Variants in FARP1 observed in about 807,000 individuals in gnomAD.
FARP1 encodes FERM, ARHGEF and pleckstrin domain-containing protein 1.
In FARP1, 52 loss-of-function variants were observed where a neutral mutation model predicts 128.8. The ratio of observed to expected loss-of-function variants is 0.40; its 90% CI spans 0.32 to 0.51. The LOEUF (loss-of-function observed/expected upper bound fraction) is 0.51, where lower values mean the gene tolerates loss of function less well. FARP1 is among the 20% of genes least tolerant of loss of function. FARP1 has a pLI of 0.45. For missense variants in FARP1, 1,333 were observed against 1,367.9 expected (o/e 0.97, Z 0.40); for synonymous variants, 580 against 551.8 (o/e 1.05, Z -0.72).
intron 2 of FARP1, among the ~76,000 whole-genome samples, chr13:98,224,303 G>A (rs564247137): frequency 1.3e-5 from 2 of 152,134 alleles, no homozygotes; most frequent in South Asian, 4.2e-4. Flanking sequence ...CGAGGCAGGT[G>A]GATCACGAGG....
At chr13:98,267,817 G>T (rs1261453739) in intron 2 of FARP1, among the ~76,000 whole-genome samples, 1 of 151,806 alleles carries the variant, frequency 6.6e-6, no homozygotes, top group Non-Finnish European at 1.5e-5. Flanking sequence ...TCTGACTGCT[G>T]TCTACTCACT....
intron 2 of FARP1, among the ~76,000 whole-genome samples, chr13:98,341,249 G>A (rs772495048): frequency 6.6e-6 from 1 of 151,996 alleles, no homozygotes; most frequent in African/African-American, 2.4e-5. Context: ...TGTACTTGGC[G>A]GGCTTTGACT....
chr13:98,389,810 A>C, intron 9 of FARP1, 147 bp from the exon 10 acceptor site: 1 of 682,164 alleles, frequency 1.5e-6, no homozygotes, highest in Middle Eastern at 2.5e-4. Flanking sequence ...ACTAGAGTTT[A>C]GTAAGTCTTT....
At chr13:98,416,290 T>G (rs981945685) in intron 16 of FARP1, among the ~76,000 whole-genome samples, 2 of 152,210 alleles carry the variant, frequency 1.3e-5, no homozygotes, top group African/African-American at 4.8e-5. Context: ...CAGCAAAAGT[T>G]CCCCAGAATT....
At chr13:98,390,193 A>T in intron 10 of FARP1, 73 bp downstream of exon 10, 1 of 1,504,492 alleles carries the variant, frequency 6.6e-7, no homozygotes, top group Non-Finnish European at 9.1e-7. Flanking sequence ...CCGCTGTGAC[A>T]CACAGCAGGT....
intron 2 of FARP1, among the ~76,000 whole-genome samples, chr13:98,217,416 C>T (rs1371758918): frequency 1.3e-5 from 2 of 152,156 alleles, no homozygotes; most frequent in African/African-American, 2.4e-5. Context: ...AGAGCAGGGG[C>T]AGGAGTTAGT....
intron 2 of FARP1, among the ~76,000 whole-genome samples, chr13:98,253,881 T>C (rs909802286): frequency 6.6e-6 from 1 of 152,238 alleles, no homozygotes; most frequent in Non-Finnish European, 1.5e-5. Context: ...CAGAATCCAC[T>C]GTCTTGTTTG....
rs141725509 is a variant in FARP1 at position 98,388,309 on chromosome 13, A to G, written c.760-74A>G. On this transcript the variant is annotated intron_variant, in intron 8 of 26. Transcript: ENST00000319562. ...TGCCAGCCCTCTTCCTTTAGCTCCC[A>G]TAAGCAAAACAGACCAACTCCCAAG... 1,433 of 1,138,854 alleles carry G rather than the reference A, an allele frequency of 1.3e-3. 20 individuals are homozygous for G. The East Asian group carries it at 0.02, about 16-fold the overall frequency. The allele number at this position is 1,138,854 out of a possible 1,614,324, so 70.5% of individuals were successfully genotyped here.
At chr13:98,338,568 G>C (rs1246054291) in intron 2 of FARP1, 1 of 152,238 alleles carries the variant, frequency 6.6e-6, no homozygotes, top group Non-Finnish European at 1.5e-5. Context: ...TCATTCAGCA[G>C]TGGACACCTG....
intron 1 of FARP1, among the ~76,000 whole-genome samples, chr13:98,170,927 A>G (rs778139016): frequency 6.6e-5 from 10 of 151,948 alleles, no homozygotes; most frequent in Non-Finnish European, 1.5e-4. Context: ...TTTTGTGCAC[A>G]TGGATGGGGC....
Position 98,349,228 on chromosome 13 carries a change from T to C in FARP1, c.276+5362T>C, listed in dbSNP as rs192129687. Among the ~76,000 whole-genome samples the C allele has an allele frequency of 2.3e-3, 357 of 152,336 alleles. 5 individuals are homozygous for C. Among genetic ancestry groups the C allele is most frequent in the Non-Finnish European group, 3.7e-3 (255 of 68,026 alleles). On this transcript the variant is annotated intron_variant, in intron 3 of 26. Transcript: ENST00000319562. ...GAAATGAGAGGAATAAATGACCATTTTACAAGGTTATTATGAGGGCTAATC... is the reference window on the plus strand; with the variant it reads ...GAAATGAGAGGAATAAATGACCATTCTACAAGGTTATTATGAGGGCTAATC...
chr13:98,150,113 A>G (rs1258481894), intron 1 of FARP1, among the ~76,000 whole-genome samples: 1 of 151,278 alleles, frequency 6.6e-6, no homozygotes, highest in Non-Finnish European at 1.5e-5. Flanking sequence ...ATCTTGGCGC[A>G]CTGCAACCTC....
chr13:98,144,126 A>G (rs1875317462), intron 1 of FARP1, among the ~76,000 whole-genome samples: 1 of 152,052 alleles, frequency 6.6e-6, no homozygotes, highest in African/African-American at 2.4e-5. Flanking sequence ...AGTATTTCCA[A>G]ACAACTTCTG....
intron 18 of FARP1, chr13:98,432,851 GGT>G (rs1892093094): frequency 6.7e-6 from 1 of 149,854 alleles, no homozygotes. Context: ...CAGGTACCTG[GGT>G]GCTGGAGGGT....
chr13:98,197,543 A>G (rs1248946432), intron 1 of FARP1, among the ~76,000 whole-genome samples: 2 of 152,202 alleles, frequency 1.3e-5, no homozygotes, highest in Admixed American at 1.3e-4. Flanking sequence ...TAACATTTAC[A>G]TTTTGGCATG....
upstream of FARP1, chr13:98,143,046 C>A (rs1221148328): frequency 6.8e-6 from 1 of 148,070 alleles, no homozygotes. Flanking sequence ...GCGCCCGCCT[C>A]CCCCCGCCGA....
intron 2 of FARP1, among the ~76,000 whole-genome samples, chr13:98,221,131 A>G (rs1240624467): frequency 1.3e-5 from 2 of 152,178 alleles, no homozygotes; most frequent in East Asian, 3.9e-4. Flanking sequence ...GAGAATACCG[A>G]CCACTTGAGG....
intron 2 of FARP1, among the ~76,000 whole-genome samples, chr13:98,308,794 G>A (rs1460392372): frequency 1.3e-5 from 2 of 151,940 alleles, no homozygotes; most frequent in Admixed American, 6.6e-5. Context: ...GCAGCCTCCC[G>A]AGTAGCTGGT....
chr13:98,224,538 A>AAG (rs1881632461), intron 2 of FARP1, among the ~76,000 whole-genome samples: 1 of 27,036 alleles, frequency 3.7e-5, no homozygotes, highest in African/African-American at 6.7e-5. Flanking sequence ...AAAAAAAAAA[A>AAG]AAAAAAAGAA....
Sources: gnomAD v4.1 joint callset for allele counts (sites outside exome capture counted in the v4.1 genomes callset) on GRCh38, gnomAD v4.1.1 for gene constraint, MANE v1.5 for transcripts, NCBI Gene and HGNC (gene_info 2026-07-23, HGNC 2026-07-21) for gene names.